LHFPL4: variants seen among roughly 807,000 people sequenced by gnomAD.
The protein encoded by LHFPL4 is LHFPL tetraspan subfamily member 4 protein.
A neutral mutation model predicts 20.0 loss-of-function variants in LHFPL4; 6 were observed. The observed-to-expected ratio is 0.30, with a 90% CI of 0.16 to 0.59. The LOEUF (loss-of-function observed/expected upper bound fraction) is 0.59, where lower values mean the gene tolerates loss of function less well. Among genes scored for constraint, LHFPL4 ranks in the 20% least tolerant of loss-of-function variants. The probability of loss-of-function intolerance (pLI) is 0.88; values close to 1 mark genes in which losing one functional copy is unlikely to be tolerated. For synonymous variants in LHFPL4, 129 were observed against 143.8 expected (o/e 0.90, Z 0.74); for missense variants, 215 against 331.2 (o/e 0.65, Z 2.72).
intron 2 of LHFPL4, among the ~76,000 whole-genome samples, chr3:9,550,369 C>G (rs1037082262): frequency 6.6e-6 from 1 of 152,200 alleles, no homozygotes; most frequent in Admixed American, 6.5e-5. Context: ...CAAGGACCCC[C>G]GGCTGTAGAA....
At chr3:9,523,653 AG>A (rs1416797271) in intron 2 of LHFPL4, among the ~76,000 whole-genome samples, 1 of 151,792 alleles carries the variant, frequency 6.6e-6, no homozygotes, top group African/African-American at 2.4e-5. Context: ...TTGTATTTTT[AG>A]TATAGACGGG....
chr3:9,546,250 G>C (rs2046511792), intron 2 of LHFPL4, among the ~76,000 whole-genome samples: 1 of 150,374 alleles, frequency 6.7e-6, no homozygotes, highest in Admixed American at 6.7e-5. Context: ...GGGAGACAGA[G>C]ATTGCAGTGA....
At chr3:9,512,500 AT>A (rs1341825460) in intron 2 of LHFPL4, among the ~76,000 whole-genome samples, 2 of 152,120 alleles carry the variant, frequency 1.3e-5, no homozygotes, top group Non-Finnish European at 2.9e-5. Context: ...AGGTAAGTTT[AT>A]TTTTTTGCAA....
rs200109698 is a variant in LHFPL4 at position 9,552,599 on chromosome 3, G to T, written c.81C>A (p.Ala27=). 158 of 1,613,930 alleles carry T rather than the reference G, an allele frequency of 9.8e-5. 1 individual carries two copies. The East Asian group carries it at 2.8e-3, about 29-fold the overall frequency. Residue 27 remains alanine, a synonymous_variant, in exon 2 of 4, where the codon GCC becomes GCA. Transcript: ENST00000287585. ...TGATGGCGAAGCAGATGGTGAAGAT[G>T]GCCCACAGCACGCCGATGGCCCGCG... ...RNSRAIGVLW[A]IFTICFAIIN...
At chr3:9,527,741 G>C (rs1025122511) in intron 2 of LHFPL4, among the ~76,000 whole-genome samples, 1 of 151,834 alleles carries the variant, frequency 6.6e-6, no homozygotes, top group Non-Finnish European at 1.5e-5. Context: ...CAGTAGACTA[G>C]TGTGGCGGAA....
intron 2 of LHFPL4, among the ~76,000 whole-genome samples, chr3:9,507,267 C>G (rs571675496): frequency 6.6e-6 from 1 of 152,324 alleles, no homozygotes; most frequent in African/African-American, 2.4e-5. Flanking sequence ...TGGATTTTAG[C>G]TGCATGGAGC....
chr3:9,520,182 G>A (rs1322467781), intron 2 of LHFPL4, among the ~76,000 whole-genome samples: 1 of 152,044 alleles, frequency 6.6e-6, no homozygotes, highest in African/African-American at 2.4e-5. Flanking sequence ...TTGGCTGCAT[G>A]GTAGGGCTCA....
chr3:9,541,217 C>T (rs1303696486), intron 2 of LHFPL4, among the ~76,000 whole-genome samples: 1 of 151,980 alleles, frequency 6.6e-6, no homozygotes, highest in East Asian at 2.0e-4. Context: ...GCTGGGGTTA[C>T]AGGCGTGAGC....
chr3:9,517,367 CTCT>C lies in LHFPL4; in HGVS notation c.407-11167_407-11165del, dbSNP rs1314563967. ...TGGTATATATTTCCCTTTATTTTAGCTCTTCTTCTATTTCTTTCACTAGAGTTT... is the reference window on the plus strand; with the variant it reads ...TGGTATATATTTCCCTTTATTTTAGCTCTTCTATTTCTTTCACTAGAGTTT... On this transcript the variant is annotated intron_variant, in intron 2 of 3. Transcript: ENST00000287585. 9.9e-5 allele frequency among the ~76,000 whole-genome samples: 15 copies of C among 151,872 alleles called. No individual in the cohort carries two copies. In the South Asian group the frequency reaches 1.0e-3, roughly 11 times the overall value.
chr3:9,502,161 G>A lies in LHFPL4; in HGVS notation c.*50C>T. The A allele has an allele frequency of 7.5e-7, 1 of 1,331,566 alleles. No individual in the cohort carries two copies. The highest frequency in any genetic ancestry group is 1.1e-6 in the Non-Finnish European group (1 of 923,862). 82.5% of individuals were successfully genotyped at this position (1,331,566 alleles called of 1,614,324 possible). A position where few individuals can be genotyped will look rare whatever the true frequency, so the allele number is the denominator to read the frequency against. On this transcript the variant is annotated 3_prime_UTR_variant, in exon 4 of 4. Transcript: ENST00000287585. ...TGAATGGAGTGACGAGAGGGCAGAA[G>A]GCAGGACAAGCTGAGGTCAGGCCAA... is the stretch of plus-strand genomic sequence containing the variant.
intron 2 of LHFPL4, among the ~76,000 whole-genome samples, chr3:9,548,329 G>T (rs1223743403): frequency 6.6e-6 from 1 of 152,130 alleles, no homozygotes. Context: ...AACAGTCATA[G>T]CAGTATCCAA....
chr3:9,551,217 T>C (rs1382274366), intron 2 of LHFPL4, among the ~76,000 whole-genome samples: 1 of 152,210 alleles, frequency 6.6e-6, no homozygotes, highest in African/African-American at 2.4e-5. Flanking sequence ...AGTCACTTGT[T>C]GAATGTCCTG....
chr3:9,544,064 A>G (rs1279697093), intron 2 of LHFPL4, among the ~76,000 whole-genome samples: 1 of 152,008 alleles, frequency 6.6e-6, no homozygotes, highest in African/African-American at 2.4e-5. Flanking sequence ...TAATACTCTA[A>G]TTATGTAAAA....
At chr3:9,524,914 T>C (rs1362752066) in intron 2 of LHFPL4, among the ~76,000 whole-genome samples, 1 of 152,202 alleles carries the variant, frequency 6.6e-6, no homozygotes, top group Non-Finnish European at 1.5e-5. Flanking sequence ...AAGCATTCTA[T>C]AGTCCTACAA....
At chr3:9,533,015 C>T (rs1248396255) in intron 2 of LHFPL4, among the ~76,000 whole-genome samples, 1 of 152,276 alleles carries the variant, frequency 6.6e-6, no homozygotes, top group East Asian at 1.9e-4. Context: ...CTTTCACCTG[C>T]CCACCCCACG....
chr3:9,504,750 G>A (rs533795835), intron 3 of LHFPL4, among the ~76,000 whole-genome samples: 207 of 151,676 alleles, frequency 1.4e-3, no homozygotes, highest in African/African-American at 4.6e-3. Flanking sequence ...GTGTGAACCC[G>A]GGAGGTGGAG....
intron 2 of LHFPL4, among the ~76,000 whole-genome samples, chr3:9,508,839 C>T (rs2046237924): frequency 6.6e-6 from 1 of 152,202 alleles, no homozygotes; most frequent in Admixed American, 6.5e-5. Context: ...AGCCCTTTCC[C>T]AGGCGGGTGC....
At chr3:9,536,735 G>A (rs2046446619) in intron 2 of LHFPL4, among the ~76,000 whole-genome samples, 1 of 152,048 alleles carries the variant, frequency 6.6e-6, no homozygotes, top group Non-Finnish European at 1.5e-5. Flanking sequence ...AGTGAAATGG[G>A]AGGATTGCTT....
intron 2 of LHFPL4, among the ~76,000 whole-genome samples, chr3:9,525,373 A>G (rs2046366793): frequency 6.6e-6 from 1 of 152,162 alleles, no homozygotes; most frequent in Non-Finnish European, 1.5e-5. Flanking sequence ...GGTTCCCATA[A>G]AGGTTTCTGC....
Sources: gnomAD v4.1 joint callset for allele counts (sites outside exome capture counted in the v4.1 genomes callset) on GRCh38, gnomAD v4.1.1 for gene constraint, MANE v1.5 for transcripts, NCBI Gene and HGNC (gene_info 2026-07-23, HGNC 2026-07-21) for gene names.